TMEM209: variants seen among roughly 807,000 people sequenced by gnomAD.
TMEM209 encodes the protein testicular tissue protein Li 202.
TMEM209 carries 65 observed loss-of-function variants against 76.2 expected under a neutral mutation model. That is an observed-to-expected ratio of 0.85 (90% CI 0.70 to 1.05). The LOEUF (loss-of-function observed/expected upper bound fraction) is 1.05. Ranked by LOEUF, TMEM209 falls within the 50% of genes least tolerant of loss-of-function variation. TMEM209 has a pLI of 0.00. For missense variants in TMEM209, 623 were observed against 685.5 expected (o/e 0.91, Z 1.02); for synonymous variants, 239 against 237.6 (o/e 1.01, Z -0.06).
Position 130,173,902 on chromosome 7 carries a change from C to A in TMEM209, c.1382G>T (p.Arg461Ile). ...MHVFCTYLDSRLPPHPKYPDG... is the reference protein window; with the variant it reads ...MHVFCTYLDSILPPHPKYPDG... The stretch of plus-strand genomic sequence containing the variant: ...GGGATACTTCGGATGTGGAGGTAAT[C>A]TGGAATCAAGGTAGGTGCAAAATAC... The change falls in exon 12 of 15, where the codon AGA becomes ATA. Residue 461 changes from arginine (R) to isoleucine (I), a missense_variant. Coordinates refer to ENST00000397622, the MANE Select transcript of TMEM209 (RefSeq NM_032842.4). The A allele has an allele frequency of 6.2e-7, 1 of 1,613,762 alleles. No individual in the cohort carries two copies. The highest frequency in any genetic ancestry group is 8.5e-7 in the Non-Finnish European group (1 of 1,179,732).
rs936055179 is a variant in TMEM209, at chr7:130,192,621, C to T, written c.775+1G>A. On this transcript the variant is annotated splice_donor_variant, in intron 6 of 14. Coordinates refer to ENST00000397622, the MANE Select transcript of TMEM209 (RefSeq NM_032842.4). LOFTEE classifies it high-confidence loss of function. The stretch of plus-strand genomic sequence containing the variant: ...GTAGATATACAGAAATATATATGTA[C>T]CCAGCTTAACCCTATGCTGTTTCTC... The T allele has an allele frequency of 3.7e-6, 6 of 1,612,760 alleles. No individual in the cohort carries two copies. The highest frequency in any genetic ancestry group is 5.1e-6 in the Non-Finnish European group (6 of 1,179,314).
intron 11 of TMEM209, 137 bp from the exon 12 acceptor site, chr7:130,174,076 G>C (rs1353666419): frequency 1.7e-6 from 1 of 588,526 alleles, no homozygotes; most frequent in Non-Finnish European, 3.0e-6. Flanking sequence ...GAAAAATGCT[G>C]TCAAATGGTT....
chr7:130,203,463 G>A (rs1466904822), intron 3 of TMEM209, among the ~76,000 whole-genome samples: 2 of 152,200 alleles, frequency 1.3e-5, no homozygotes, highest in Non-Finnish European at 2.9e-5. Flanking sequence ...GCAGAAATCT[G>A]GGCTGGTCTT....
Position 130,205,371 on chromosome 7 carries a change from A to C in TMEM209, c.3+2T>G. 1 of 1,613,908 alleles carries C rather than the reference A, an allele frequency of 6.2e-7. No homozygotes were observed. The highest frequency in any genetic ancestry group is 8.5e-7 in the Non-Finnish European group (1 of 1,179,898). The stretch of plus-strand genomic sequence containing the variant: ...AGCACAAACACGACCCCGAAAACGC[A>C]CCATGTCCTCTGGCCGGAAAACGCA... On this transcript the variant is annotated splice_donor_variant, in intron 1 of 14. Transcript: ENST00000397622. LOFTEE classifies it high-confidence loss of function.
chr7:130,167,121 G>A (rs1476924073), intron 14 of TMEM209, among the ~76,000 whole-genome samples: 1 of 151,930 alleles, frequency 6.6e-6, no homozygotes, highest in Non-Finnish European at 1.5e-5. Flanking sequence ...CAAGAGAGCT[G>A]TATACCTCTA....
At chr7:130,196,337 T>C (rs1797971170) in intron 5 of TMEM209, among the ~76,000 whole-genome samples, 1 of 152,126 alleles carries the variant, frequency 6.6e-6, no homozygotes, top group South Asian at 2.1e-4. Context: ...TTTTTTTTTT[T>C]TTCCAAGAAA....
At position 130,203,838 on chromosome 7, in the gene TMEM209, T is replaced by G. The variant is rs770733686; in HGVS notation, c.149A>C (p.Lys50Thr). The G allele has an allele frequency of 2.8e-5, 45 of 1,595,926 alleles. 2 individuals carry two copies. The South Asian group carries it at 5.0e-4, about 18-fold the overall frequency. The change falls in exon 3 of 15, where the codon AAA becomes ACA. Residue 50 changes from lysine (K) to threonine (T), a missense_variant. Transcript: ENST00000397622. ...CACATTGTAGTATGAACTAATCAAT[T>G]TTCCAGTCCTGAAAAAAAATTAGAA... Reference protein sequence around the residue: ...AGMIYTEMTGKLISSYYNVTY... With the variant: ...AGMIYTEMTGTLISSYYNVTY...
At chr7:130,170,813 G>A (rs1797044175) in intron 13 of TMEM209, among the ~76,000 whole-genome samples, 2 of 151,954 alleles carry the variant, frequency 1.3e-5, no homozygotes, top group South Asian at 2.1e-4. Flanking sequence ...GCGACAGAAT[G>A]CCTCCCTGAG....
chr7:130,194,562 A>C (rs910589041), intron 5 of TMEM209, among the ~76,000 whole-genome samples: 2 of 152,212 alleles, frequency 1.3e-5, no homozygotes, highest in South Asian at 2.1e-4. Flanking sequence ...AAAATCTCTA[A>C]AATATACATA....
intron 6 of TMEM209, among the ~76,000 whole-genome samples, chr7:130,185,915 A>G (rs1299074218): frequency 6.6e-6 from 1 of 152,214 alleles, no homozygotes; most frequent in East Asian, 1.9e-4. Flanking sequence ...TTATAAATTT[A>G]CTTTTAAGAA....
rs910527778 is a variant in TMEM209, at chr7:130,201,002, T to C, written c.573+848A>G. ...TACTCGGGAGGCTGAGGCAGGAGAA[T>C]GGCATGAGCCCGGGAGGCGGAGTTT... On this transcript the variant is annotated intron_variant, in intron 5 of 14. Transcript: ENST00000397622. Among the ~76,000 whole-genome samples, 13 of 131,576 alleles carry C rather than the reference T, an allele frequency of 9.9e-5. 1 individual carries two copies. The highest frequency in any genetic ancestry group is 3.5e-4 in the African/African-American group (12 of 33,862). 86.3% of individuals were successfully genotyped at this position (131,576 alleles called of 152,430 possible).
intron 5 of TMEM209, among the ~76,000 whole-genome samples, chr7:130,197,603 A>AT (rs1798034051): frequency 6.6e-6 from 1 of 152,236 alleles, no homozygotes; most frequent in Non-Finnish European, 1.5e-5. Flanking sequence ...GGTATGTTTT[A>AT]TCATCATTAA....
chr7:130,185,065 T>G, intron 7 of TMEM209, 127 bp downstream of exon 7: 3 of 1,123,342 alleles, frequency 2.7e-6, no homozygotes, highest in Non-Finnish European at 3.7e-6. Flanking sequence ...TCCCACTGCC[T>G]AATGTGTGCC....
intron 6 of TMEM209, 90 bp downstream of exon 6, chr7:130,192,528 AGTAT>A: frequency 9.6e-7 from 1 of 1,041,670 alleles, no homozygotes; most frequent in Non-Finnish European, 1.4e-6. Context: ...AAGCTAATAA[AGTAT>A]GTTAGTATGG....
At chr7:130,167,660 TG>T (rs1036520648) in intron 14 of TMEM209, among the ~76,000 whole-genome samples, 6 of 152,194 alleles carry the variant, frequency 3.9e-5, no homozygotes, top group Non-Finnish European at 8.8e-5. Context: ...AAACAGAACA[TG>T]TAAGTCACTG....
intron 13 of TMEM209, among the ~76,000 whole-genome samples, chr7:130,171,028 A>G (rs1035385546): frequency 6.6e-6 from 1 of 151,826 alleles, no homozygotes; most frequent in Non-Finnish European, 1.5e-5. Context: ...GCAACCTGAA[A>G]GATGAGCAGA....
chr7:130,166,194 G>A lies in TMEM209; in HGVS notation c.*257C>T, dbSNP rs1360637126. 4 of 300,774 alleles carry A rather than the reference G, an allele frequency of 1.3e-5. No individual in the cohort carries two copies. Among genetic ancestry groups the A allele is most frequent in the South Asian group, 1.4e-4 (1 of 7,216 alleles). 18.6% of individuals were successfully genotyped at this position (300,774 alleles called of 1,614,324 possible). A position where few individuals can be genotyped will look rare whatever the true frequency, so the allele number is the denominator to read the frequency against. On this transcript the variant is annotated 3_prime_UTR_variant, in exon 15 of 15. Coordinates refer to ENST00000397622, the MANE Select transcript of TMEM209 (RefSeq NM_032842.4). Reference sequence around the variant, plus strand: ...CACTATTTTGAGTCAATAAAAATCCGAAGGGTTGCAGTTTTGTAGTCAACT... The same window carrying A: ...CACTATTTTGAGTCAATAAAAATCCAAAGGGTTGCAGTTTTGTAGTCAACT...
chr7:130,205,304 A>G (rs1466616353), intron 1 of TMEM209, 69 bp downstream of exon 1: 1 of 1,613,442 alleles, frequency 6.2e-7, no homozygotes, highest in Non-Finnish European at 8.5e-7. Flanking sequence ...ACAGATCAGC[A>G]GGCGCGGAAC....
Position 130,185,092 on chromosome 7 carries a change from C to T in TMEM209, c.951+100G>A. 12 of 1,345,028 alleles carry T rather than the reference C, an allele frequency of 8.9e-6. No individual in the cohort carries two copies. The South Asian group carries it at 1.8e-4, about 21-fold the overall frequency. The allele number at this position is 1,345,028 out of a possible 1,614,324, so 83.3% of individuals were successfully genotyped here. A position where few individuals can be genotyped will look rare whatever the true frequency, so the allele number is the denominator to read the frequency against. On this transcript the variant is annotated intron_variant, in intron 7 of 14. Coordinates refer to ENST00000397622, the MANE Select transcript of TMEM209 (RefSeq NM_032842.4). ...ATGTGTGCCAGATTTACATTTCTGTCCAACAGAATGGAAGATTACAGAAAA... is the reference window on the plus strand; with the variant it reads ...ATGTGTGCCAGATTTACATTTCTGTTCAACAGAATGGAAGATTACAGAAAA...
Sources: allele counts gnomAD v4.1 joint callset (sites outside exome capture counted in the v4.1 genomes callset), GRCh38; gene constraint gnomAD v4.1.1; transcripts MANE v1.5; gene names NCBI Gene and HGNC (gene_info 2026-07-23, HGNC 2026-07-21).